Variants in OSMR observed in about 807,000 individuals in gnomAD.
The protein encoded by OSMR is oncostatin-M-specific receptor subunit beta.
OSMR carries 81 observed loss-of-function variants against 99.9 expected under a neutral mutation model. The observed-to-expected ratio is 0.81, with a 90% CI of 0.68 to 0.97. The LOEUF is 0.97. Among genes scored for constraint, OSMR ranks in the 50% least tolerant of loss-of-function variants. The pLI is 0.00. For missense variants in OSMR, 1,099 were observed against 1,153.4 expected, an observed-to-expected ratio of 0.95 and a Z score of 0.68; for synonymous variants, 406 against 410.4, an observed-to-expected ratio of 0.99 and a Z score of 0.13.
At chr5:38,866,123 G>A (rs887280794) in intron 1 of OSMR, among the ~76,000 whole-genome samples, 2 of 152,210 alleles carry the variant, frequency 1.3e-5, no homozygotes, top group Middle Eastern at 3.2e-3. Flanking sequence ...GCTGCCAGAG[G>A]TGGTGGGCAA....
chr5:38,876,063 A>C, intron 2 of OSMR, 138 bp from the exon 3 acceptor site: 1 of 1,237,318 alleles, frequency 8.1e-7, no homozygotes, highest in Non-Finnish European at 1.1e-6. Context: ...CAGATTTCCA[A>C]GGTGTCTGAT....
chr5:38,924,482 G>A lies in OSMR; in HGVS notation c.1931G>A (p.Ser644Asn), dbSNP rs751898508. The change falls in exon 14 of 18, where the codon AGT (serine) becomes AAT (asparagine). Residue 644 changes from serine (S) to asparagine (N), a missense_variant. Physicochemically the swap from Ser to Asn is conservative, Grantham distance 46 (BLOSUM62 1). Coordinates refer to ENST00000274276, the MANE Select transcript of OSMR (RefSeq NM_003999.3). The stretch of plus-strand genomic sequence containing the variant: ...TTGACATCCCACTCCTTCACTCTGA[G>A]TTGGAAAGATTACTCTACTGAATCT... ...DTLTSHSFTL[S>N]WKDYSTESQP... The A allele has an allele frequency of 3.1e-6, 5 of 1,613,942 alleles. No individual in the cohort carries two copies. The South Asian group carries it at 5.5e-5, about 18-fold the overall frequency.
chr5:38,920,953 T>C (rs1386082107), intron 11 of OSMR, among the ~76,000 whole-genome samples: 1 of 152,198 alleles, frequency 6.6e-6, no homozygotes, highest in Non-Finnish European at 1.5e-5. Flanking sequence ...ATAACCCAAC[T>C]TTTTATATAC....
intron 1 of OSMR, chr5:38,940,854 A>C (rs1163429922): frequency 4.3e-6 from 1 of 232,162 alleles, no homozygotes; most frequent in Non-Finnish European, 8.5e-6. Flanking sequence ...CCATTACAAA[A>C]AGGATCTGCA....
downstream of OSMR, chr5:38,940,320 T>C (rs1399207687): frequency 4.3e-6 from 1 of 231,170 alleles, no homozygotes; most frequent in Non-Finnish European, 8.6e-6. Context: ...TTATACTCTA[T>C]ATTAACTGAG....
intron 9 of OSMR, among the ~76,000 whole-genome samples, chr5:38,905,347 GGCGTGGTGGCACAC>G (rs1202020302): frequency 6.6e-6 from 1 of 152,076 alleles, no homozygotes; most frequent in Non-Finnish European, 1.5e-5. Context: ...AAATTAGCCA[GGCGTGGTGGCACAC>G]GCCTGTAATC....
At chr5:38,944,969 T>A in exon 3 of OSMR, 1 of 1,613,984 alleles carries the variant, frequency 6.2e-7, no homozygotes, top group Non-Finnish European at 8.5e-7. Flanking sequence ...AGACACCCCA[T>A]CACTGCATCC....
chr5:38,905,097 A>G (rs770399582), intron 9 of OSMR, among the ~76,000 whole-genome samples: 15 of 152,102 alleles, frequency 9.9e-5, no homozygotes, highest in Non-Finnish European at 2.1e-4. Flanking sequence ...CCTCCAACTC[A>G]ATGTCATAAA....
At chr5:38,921,886 T>C in intron 12 of OSMR, 92 bp downstream of exon 12, 2 of 1,094,952 alleles carry the variant, frequency 1.8e-6, no homozygotes, top group South Asian at 2.6e-5. Context: ...ACTTTGACTG[T>C]GCTAAGCTAG....
chr5:38,851,839 CT>C (rs1740379188), intron 1 of OSMR, among the ~76,000 whole-genome samples: 1 of 152,186 alleles, frequency 6.6e-6, no homozygotes, highest in African/African-American at 2.4e-5. Context: ...TTCCCCCATA[CT>C]GTTCTCGTGG....
Position 38,932,967 on chromosome 5 carries a change from A to C in OSMR, c.2463A>C (p.Leu821=), listed in dbSNP as rs1299667024. 1.9e-6 allele frequency: 3 copies of C among 1,614,188 alleles called. No individual in the cohort carries two copies. In the South Asian group the frequency reaches 3.3e-5, roughly 18 times the overall value. ...SKPEGTKIQF[L]GTRKSLTETE... ...CAGAAGGGACAAAGATACAGTTCCT[A>C]GGCACTAGGAAGTCACTCACAGAAA... Residue 821 remains leucine (L), a synonymous_variant, in exon 18 of 18, where the codon CTA becomes CTC. Transcript: ENST00000274276.
chr5:38,890,286 T>C (rs1180791155), intron 7 of OSMR, among the ~76,000 whole-genome samples: 1 of 152,156 alleles, frequency 6.6e-6, no homozygotes, highest in Non-Finnish European at 1.5e-5. Flanking sequence ...CTGGCAAATA[T>C]ACTGAACCTG....
intron 7 of OSMR, among the ~76,000 whole-genome samples, chr5:38,895,951 A>G (rs899474483): frequency 2.6e-5 from 4 of 151,948 alleles, no homozygotes; most frequent in African/African-American, 9.7e-5. Flanking sequence ...TGTAAAAAAT[A>G]AGTTTACTGT....
intron 7 of OSMR, chr5:38,886,400 T>A: frequency 7.3e-7 from 1 of 1,362,420 alleles, no homozygotes; most frequent in Non-Finnish European, 9.5e-7. Flanking sequence ...CGAGCACCAA[T>A]GAGCTTACTA....
downstream of OSMR, chr5:38,945,437 C>T: frequency 8.1e-7 from 1 of 1,232,654 alleles, no homozygotes; most frequent in Non-Finnish European, 1.2e-6. Flanking sequence ...AAAAGTAAAC[C>T]AGAGAACTTT....
At position 38,882,444 on chromosome 5, in the gene OSMR, G is replaced by C. The variant is rs545661313; in HGVS notation, c.418+680G>C. On this transcript the variant is annotated intron_variant, in intron 4 of 17. Coordinates refer to ENST00000274276, the MANE Select transcript of OSMR (RefSeq NM_003999.3). ...ATAAAAATTAGCTGGGCATGGTGAC[G>C]GGCACCTGTAGTCCCAGCTATTCTG... Among the ~76,000 whole-genome samples the C allele has an allele frequency of 1.2e-4, 19 of 152,244 alleles. 1 individual carries two copies. The Middle Eastern group carries it at 0.01, about 82-fold the overall frequency.
At chr5:38,919,416 G>A in intron 11 of OSMR, 1 of 1,173,526 alleles carries the variant, frequency 8.5e-7, no homozygotes, top group East Asian at 5.5e-5. Context: ...AATAGGAATT[G>A]CATTTACTAT....
intron 2 of OSMR, among the ~76,000 whole-genome samples, chr5:38,870,330 CTTTTT>C (rs374861159): frequency 8.7e-6 from 1 of 115,140 alleles, no homozygotes. Context: ...GAATGATTTT[CTTTTT>C]TTTTTTTTTT....
Position 38,881,902 on chromosome 5 carries a change from T to TA in OSMR, c.418+144dup, listed in dbSNP as rs1743319576. The TA allele has an allele frequency of 5.4e-6, 4 of 735,150 alleles. No homozygotes were observed. The Admixed American group carries it at 7.5e-5, about 14-fold the overall frequency. The allele number at this position is 735,150 out of a possible 1,614,324, so 45.5% of individuals were successfully genotyped here. Reference sequence around the variant, plus strand: ...ATTTTCCTTTGGCTCCTATGGGAACTAAAAAACACAGGTGTGAAACTTGGC... The same window carrying TA: ...ATTTTCCTTTGGCTCCTATGGGAACTAAAAAAACACAGGTGTGAAACTTGGC... On this transcript the variant is annotated intron_variant, in intron 4 of 17. Transcript: ENST00000274276.
Sources: gnomAD v4.1 joint callset for allele counts (sites outside exome capture counted in the v4.1 genomes callset) on GRCh38, gnomAD v4.1.1 for gene constraint, MANE v1.5 for transcripts, NCBI Gene and HGNC (gene_info 2026-07-23, HGNC 2026-07-21) for gene names.